Variants in CCDC178 observed in about 807,000 individuals in gnomAD.
The protein encoded by CCDC178 is coiled-coil domain containing 178.
A neutral mutation model predicts 117.4 loss-of-function variants in CCDC178; 126 were observed. The observed-to-expected ratio is 1.07, with a 90% CI of 0.93 to 1.24. The LOEUF (loss-of-function observed/expected upper bound fraction) is 1.24, where lower values mean the gene tolerates loss of function less well. Ranked by LOEUF, CCDC178 falls within the 50% of genes most tolerant of loss-of-function variation. CCDC178 has a pLI of 0.00. For missense variants in CCDC178, 1,030 were observed against 986.9 expected, an observed-to-expected ratio of 1.04 and a Z score of -0.59; for synonymous variants, 283 against 313.4, an observed-to-expected ratio of 0.90 and a Z score of 1.02.
intron 22 of CCDC178, among the ~76,000 whole-genome samples, chr18:32,969,416 G>C (rs915394964): frequency 3.9e-5 from 6 of 151,934 alleles, no homozygotes; most frequent in Non-Finnish European, 4.4e-5. Context: ...AGAAGTGCAC[G>C]CTTGGACAGA....
At chr18:33,322,934 A>G (rs1415597094) in intron 11 of CCDC178, among the ~76,000 whole-genome samples, 6 of 151,416 alleles carry the variant, frequency 4.0e-5, no homozygotes, top group Non-Finnish European at 8.9e-5. Context: ...CATCACACAG[A>G]ATCATAAAGA....
intron 21 of CCDC178, among the ~76,000 whole-genome samples, chr18:33,057,214 A>G (rs2056845002): frequency 6.6e-6 from 1 of 152,208 alleles, no homozygotes; most frequent in Non-Finnish European, 1.5e-5. Context: ...CTTTATTTCA[A>G]TAAAGCACAC....
intron 12 of CCDC178, among the ~76,000 whole-genome samples, chr18:33,287,141 G>A (rs944766192): frequency 7.3e-6 from 1 of 137,554 alleles, no homozygotes. Flanking sequence ...AGACTCAATT[G>A]AAAGCACAAA....
At chr18:33,045,028 A>C (rs1243909160) in intron 21 of CCDC178, among the ~76,000 whole-genome samples, 1 of 152,170 alleles carries the variant, frequency 6.6e-6, no homozygotes, top group African/African-American at 2.4e-5. Context: ...AAGGGGGATG[A>C]AAGTTGAAAA....
At chr18:33,427,909 A>T (rs2064143500) in intron 2 of CCDC178, among the ~76,000 whole-genome samples, 1 of 152,334 alleles carries the variant, frequency 6.6e-6, no homozygotes, top group African/African-American at 2.4e-5. Context: ...GAGTTACATC[A>T]AACAATTTTG....
intron 10 of CCDC178, among the ~76,000 whole-genome samples, chr18:33,329,062 G>A (rs934146445): frequency 1.3e-5 from 2 of 151,838 alleles, no homozygotes; most frequent in African/African-American, 4.8e-5. Context: ...ACCCGTATAT[G>A]GAATTGTTTT....
chr18:33,344,645 T>C (rs962065464), intron 9 of CCDC178, among the ~76,000 whole-genome samples: 6 of 152,076 alleles, frequency 3.9e-5, no homozygotes, highest in Non-Finnish European at 7.4e-5. Flanking sequence ...TCCCTCCATA[T>C]TTTTTCTACT....
intron 12 of CCDC178, among the ~76,000 whole-genome samples, chr18:33,268,248 C>G (rs2059843790): frequency 6.6e-6 from 1 of 151,694 alleles, no homozygotes; most frequent in Admixed American, 6.6e-5. Flanking sequence ...TCCTATAATA[C>G]TTCTATATTA....
chr18:33,092,825 T>C lies in CCDC178; in HGVS notation c.2324A>G (p.Asp775Gly). ...TTTATCATATATATTGAAATAATTG[T>C]CCTTTTCTTTTAAGAATGTAATCTG... ...QLQITFLKEK[D>G]NYFNIYDKQL... The change falls in exon 21 of 23, where the codon GAC becomes GGC. Residue 775 changes from aspartate to glycine, a missense_variant. Physicochemically the swap from Asp to Gly is moderately conservative, Grantham distance 94 (BLOSUM62 -1). Transcript: ENST00000383096. The C allele has an allele frequency of 6.4e-7, 1 of 1,565,820 alleles. No individual in the cohort carries two copies. The highest frequency in any genetic ancestry group is 2.3e-5 in the East Asian group (1 of 44,286).
chr18:32,958,621 T>C (rs1399982638), intron 22 of CCDC178, among the ~76,000 whole-genome samples: 1 of 152,198 alleles, frequency 6.6e-6, no homozygotes, highest in Non-Finnish European at 1.5e-5. Flanking sequence ...AAGTGATAGA[T>C]GTTTGACGAA....
At chr18:33,394,988 T>C (rs2063616564) in intron 4 of CCDC178, among the ~76,000 whole-genome samples, 1 of 116,802 alleles carries the variant, frequency 8.6e-6, no homozygotes. Context: ...TATATATATA[T>C]GTATACATAT....
chr18:33,270,229 A>T (rs2059870797), intron 12 of CCDC178, among the ~76,000 whole-genome samples: 1 of 151,658 alleles, frequency 6.6e-6, no homozygotes, highest in South Asian at 2.1e-4. Flanking sequence ...ACAGAGATTC[A>T]TAGTTGTGTG....
chr18:33,240,850 C>A (rs1229135873), intron 15 of CCDC178, among the ~76,000 whole-genome samples: 1 of 151,802 alleles, frequency 6.6e-6, no homozygotes, highest in Non-Finnish European at 1.5e-5. Flanking sequence ...CTAGGTCATT[C>A]TATGAGGCCA....
intron 5 of CCDC178, among the ~76,000 whole-genome samples, chr18:33,388,167 C>T (rs1050337353): frequency 6.6e-6 from 1 of 152,100 alleles, no homozygotes. Flanking sequence ...CAATGAGATA[C>T]CATCTCACGC....
chr18:33,012,588 G>A (rs2055893150), intron 21 of CCDC178, among the ~76,000 whole-genome samples: 1 of 152,116 alleles, frequency 6.6e-6, no homozygotes, highest in African/African-American at 2.4e-5. Context: ...TCATTTTACA[G>A]CGCTCCCCTA....
At chr18:33,244,536 C>T (rs2059524399) in intron 15 of CCDC178, among the ~76,000 whole-genome samples, 4 of 151,854 alleles carry the variant, frequency 2.6e-5, no homozygotes, top group Admixed American at 1.3e-4. Flanking sequence ...TTATAAGGGG[C>T]TTCCCCATTT....
chr18:32,979,990 CAAAAT>C (rs1349101218), intron 21 of CCDC178, among the ~76,000 whole-genome samples: 14 of 151,730 alleles, frequency 9.2e-5, no homozygotes, highest in Admixed American at 5.2e-4. Flanking sequence ...TAGCTCCATG[CAAAAT>C]AAAATAAAAT....
intron 20 of CCDC178, among the ~76,000 whole-genome samples, chr18:33,185,302 G>T (rs2058777906): frequency 6.6e-6 from 1 of 152,010 alleles, no homozygotes; most frequent in South Asian, 2.1e-4. Context: ...GTGTGGCAGG[G>T]AAAGTCTTGT....
chr18:33,219,486 T>A (rs1459696300), intron 18 of CCDC178, among the ~76,000 whole-genome samples: 3 of 152,166 alleles, frequency 2.0e-5, no homozygotes. Flanking sequence ...CGTATGTTTA[T>A]TGCGGCACTA....
Sources: allele counts gnomAD v4.1 joint callset (sites outside exome capture counted in the v4.1 genomes callset), GRCh38; gene constraint gnomAD v4.1.1; transcripts MANE v1.5; gene names NCBI Gene and HGNC (gene_info 2026-07-23, HGNC 2026-07-21).